Variants in BCL11B observed in about 807,000 individuals in gnomAD.
The protein encoded by BCL11B is BCL11 transcription factor B, also known as B-cell lymphoma/leukemia 11B.
Under a neutral mutation model 49.9 loss-of-function variants are expected in BCL11B, and 8 were observed. The ratio of observed to expected loss-of-function variants is 0.16; its 90% CI spans 0.09 to 0.29. The LOEUF (loss-of-function observed/expected upper bound fraction) is 0.29. Among genes scored for constraint, BCL11B ranks in the 10% least tolerant of loss-of-function variants. BCL11B has a pLI of 1.00. For synonymous variants in BCL11B, 739 were observed against 637.4 expected (o/e 1.16, Z -2.40); for missense variants, 1,006 against 1,351.0 (o/e 0.74, Z 4.00).
At position 99,207,863 on chromosome 14, in the gene BCL11B, C is replaced by G. The variant is rs1449673634; in HGVS notation, c.640+23482G>C. Among the ~76,000 whole-genome samples the G allele has an allele frequency of 2.0e-5, 3 of 152,304 alleles. No homozygotes were observed. The East Asian group carries it at 5.8e-4, about 29-fold the overall frequency. On this transcript the variant is annotated intron_variant, in intron 3 of 3. Transcript: ENST00000357195. ...ACAACAGCAGCCCTGAGGGACAGGG[C>G]TCTGGCAGATCCTGTCCCCAGATCC... is the stretch of plus-strand genomic sequence containing the variant.
chr14:99,222,107 A>G (rs571753698), intron 3 of BCL11B, among the ~76,000 whole-genome samples: 1 of 152,344 alleles, frequency 6.6e-6, no homozygotes, highest in South Asian at 2.1e-4. Flanking sequence ...GTTTAATTGT[A>G]AAATATACAC....
chr14:99,243,238 G>C (rs534902545), intron 2 of BCL11B, among the ~76,000 whole-genome samples: 2 of 152,178 alleles, frequency 1.3e-5, no homozygotes, highest in Non-Finnish European at 2.9e-5. Flanking sequence ...GAATGGGGAA[G>C]TGGGGGAGTT....
rs533667447 is a variant in BCL11B, at chr14:99,237,617, G to A, written c.428-6060C>T. ...CATTACGGGTCTCTAGTCCCTTGTT[G>A]CCACGGGTTTTGGCTTGGGGGTGAA... On this transcript the variant is annotated intron_variant, in intron 2 of 3. Transcript: ENST00000357195. 4.9e-4 allele frequency among the ~76,000 whole-genome samples: 74 copies of A among 152,292 alleles called. 1 individual carries two copies. The South Asian group carries it at 0.015, about 30-fold the overall frequency.
chr14:99,217,244 A>G (rs1215500249), intron 3 of BCL11B, among the ~76,000 whole-genome samples: 1 of 152,226 alleles, frequency 6.6e-6, no homozygotes, highest in African/African-American at 2.4e-5. Flanking sequence ...ATGCACATCC[A>G]CACATACACA....
At chr14:99,255,641 G>A (rs1382528401) in intron 2 of BCL11B, among the ~76,000 whole-genome samples, 4 of 152,128 alleles carry the variant, frequency 2.6e-5, no homozygotes, top group East Asian at 1.9e-4. Context: ...ATAAATAGGC[G>A]GCCCGAGTCT....
intron 3 of BCL11B, among the ~76,000 whole-genome samples, chr14:99,214,985 C>CT (rs1175445016): frequency 6.6e-6 from 1 of 152,192 alleles, no homozygotes; most frequent in Admixed American, 6.5e-5. Flanking sequence ...ACCATTCCTC[C>CT]TGACGGCACT....
In BCL11B at chr14:99,248,064, C is replaced by T. The variant is rs923786520; in HGVS notation, c.427+9407G>A. On this transcript the variant is annotated intron_variant, in intron 2 of 3. Coordinates refer to ENST00000357195, the MANE Select transcript of BCL11B (RefSeq NM_138576.4). The surrounding 1 kb of genome is among the most constrained non-coding windows in gnomAD (Gnocchi z 4.7). ...AAAGGCTATTTTGTTACTATTTTTC[C>T]GCCCAGAGGAGGCTGTGGTCCCAGT... 2.6e-5 allele frequency among the ~76,000 whole-genome samples: 4 copies of T among 152,100 alleles called. No homozygotes were observed. Among genetic ancestry groups the T allele is most frequent in the Non-Finnish European group, 5.9e-5 (4 of 68,030 alleles).
intron 1 of BCL11B, among the ~76,000 whole-genome samples, chr14:99,269,132 C>G (rs1461699994): frequency 6.6e-6 from 1 of 151,842 alleles, no homozygotes; most frequent in East Asian, 1.9e-4. Context: ...TGGCAGTGCA[C>G]CCCCATCCAC....
chr14:99,180,201 G>C (rs1214767054), intron 3 of BCL11B, among the ~76,000 whole-genome samples: 2 of 152,150 alleles, frequency 1.3e-5, no homozygotes, highest in Non-Finnish European at 2.9e-5. Context: ...AGGCTGCTGA[G>C]ATTCCCACTG....
chr14:99,229,432 G>T (rs577740614), intron 3 of BCL11B, among the ~76,000 whole-genome samples: 22 of 152,254 alleles, frequency 1.4e-4, no homozygotes, highest in Admixed American at 9.8e-4. Flanking sequence ...AGGCAGCGTG[G>T]CTCCACAGGA....
chr14:99,246,539 G>A (rs915223637), intron 2 of BCL11B, among the ~76,000 whole-genome samples: 4 of 152,238 alleles, frequency 2.6e-5, no homozygotes, highest in Non-Finnish European at 4.4e-5. Context: ...GCTCGCAGGG[G>A]AGGCCCCCGC....
At chr14:99,225,528 G>A (rs747713473) in intron 3 of BCL11B, among the ~76,000 whole-genome samples, 3 of 152,082 alleles carry the variant, frequency 2.0e-5, no homozygotes, top group African/African-American at 4.8e-5. Context: ...GCTTGAAAGC[G>A]CTGCATCCAG....
Position 99,231,588 on chromosome 14 carries a change from AGTC to A in BCL11B, c.428-34_428-32del, listed in dbSNP as rs1566821806. On this transcript the variant is annotated intron_variant, in intron 2 of 3. Coordinates refer to ENST00000357195, the MANE Select transcript of BCL11B (RefSeq NM_138576.4). This position sits in a 1 kb window ranked among gnomAD's most constrained non-coding sequence, Gnocchi z 8.1. ...GAAAAAACAATAGAAAAGACTGGTC[AGTC>A]GGGCCCTGGACTGTGTGAGGGGCAC... 2 of 1,527,756 alleles carry A rather than the reference AGTC, an allele frequency of 1.3e-6. No individual in the cohort carries two copies. The highest frequency in any genetic ancestry group is 2.4e-5 in the South Asian group (2 of 83,728). 94.6% of individuals were successfully genotyped at this position (1,527,756 alleles called of 1,614,324 possible). A position where few individuals can be genotyped will look rare whatever the true frequency, so the allele number is the denominator to read the frequency against.
intron 2 of BCL11B, among the ~76,000 whole-genome samples, chr14:99,244,485 T>G (rs1174545095): frequency 2.0e-5 from 3 of 152,240 alleles, no homozygotes; most frequent in African/African-American, 7.2e-5. Flanking sequence ...CAGTTCGTTT[T>G]GGACCATTAT....
rs1888865392 is a variant in BCL11B, at chr14:99,247,022, G to C, written c.427+10449C>G. 6.6e-6 allele frequency among the ~76,000 whole-genome samples: 1 copy of C among 152,092 alleles called. No homozygotes were observed. Among genetic ancestry groups the C allele is most frequent in the East Asian group, 1.9e-4 (1 of 5,170 alleles). ...AGAGGGCTCCGCAGCCTGGAGCCTC[G>C]CGTCCCGCCTCCCCGCAACACGCTG... On this transcript the variant is annotated intron_variant, in intron 2 of 3. Transcript: ENST00000357195. This position sits in a 1 kb window ranked among gnomAD's most constrained non-coding sequence, Gnocchi z 4.5.
intron 2 of BCL11B, among the ~76,000 whole-genome samples, chr14:99,249,537 A>T (rs1477299865): frequency 6.6e-6 from 1 of 152,262 alleles, no homozygotes; most frequent in Non-Finnish European, 1.5e-5. Flanking sequence ...CCTCATCTGC[A>T]AAATGAAAGG....
At chr14:99,200,626 T>C (rs1293639986) in intron 3 of BCL11B, among the ~76,000 whole-genome samples, 6 of 152,216 alleles carry the variant, frequency 3.9e-5, no homozygotes, top group African/African-American at 1.4e-4. Context: ...TCATACCACA[T>C]GGCCCACCCA....
intron 1 of BCL11B, among the ~76,000 whole-genome samples, chr14:99,260,286 G>A (rs1192882817): frequency 6.6e-6 from 1 of 152,176 alleles, no homozygotes; most frequent in Non-Finnish European, 1.5e-5. Flanking sequence ...CTGCATCAGT[G>A]GAAGATTTGA....
intron 3 of BCL11B, among the ~76,000 whole-genome samples, chr14:99,209,172 T>G (rs760212290): frequency 2.5e-4 from 38 of 152,182 alleles, no homozygotes; most frequent in Non-Finnish European, 4.4e-4. Flanking sequence ...GAGCCCCAGT[T>G]TCCTCATTTG....
Sources: gnomAD v4.1 joint callset for allele counts (sites outside exome capture counted in the v4.1 genomes callset) on GRCh38, gnomAD v4.1.1 for gene constraint, Gnocchi (gnomAD v3.1) non-coding constraint, MANE v1.5 for transcripts, NCBI Gene and HGNC (gene_info 2026-07-23, HGNC 2026-07-21) for gene names.